The following LCK variants were observed in gnomAD, a reference collection of about 807,000 sequenced individuals.
The protein encoded by LCK is LCK proto-oncogene, Src family tyrosine kinase.
A neutral mutation model predicts 64.6 loss-of-function variants in LCK; 14 were observed. The observed-to-expected ratio is 0.22, with a 90% CI of 0.14 to 0.34. The LOEUF (loss-of-function observed/expected upper bound fraction) is 0.34. Ranked by LOEUF, LCK falls within the 10% of genes least tolerant of loss-of-function variation. The probability of loss-of-function intolerance (pLI) is 1.00; values close to 1 mark genes in which losing one functional copy is unlikely to be tolerated. For synonymous variants in LCK, 277 were observed against 263.6 expected, an observed-to-expected ratio of 1.05 and a Z score of -0.49; for missense variants, 434 against 668.1, an observed-to-expected ratio of 0.65 and a Z score of 3.86.
rs748088071 is a variant in LCK, at chr1:32,276,635, G to A, written c.813G>A (p.Ala271=). The stretch of plus-strand genomic sequence containing the variant: ...ACTACAACGGGCACACGAAGGTGGC[G>A]GTGAAGAGCCTGAAGCAGGGCAGCA... ...MGYYNGHTKV[A]VKSLKQGSMS... Residue 271 remains alanine (A), a synonymous_variant, in exon 9 of 13, where the codon GCG becomes GCA. Transcript: ENST00000336890. The surrounding 1 kb of genome is among the most constrained non-coding windows in gnomAD (Gnocchi z 4.6). 2.5e-6 allele frequency: 4 copies of A among 1,613,318 alleles called. No homozygotes were observed. Among genetic ancestry groups the A allele is most frequent in the Non-Finnish European group, 3.4e-6 (4 of 1,179,604 alleles).
At chr1:32,266,367 G>A (rs989411526) in intron 1 of LCK, among the ~76,000 whole-genome samples, 4 of 151,238 alleles carry the variant, frequency 2.6e-5, no homozygotes, top group Middle Eastern at 3.4e-3. Flanking sequence ...GCACAGTGGC[G>A]GGCGCCGGTA....
intron 1 of LCK, among the ~76,000 whole-genome samples, chr1:32,255,966 C>A (rs1639622839): frequency 6.6e-6 from 1 of 151,768 alleles, no homozygotes; most frequent in African/African-American, 2.4e-5. Context: ...CCATGCCCAG[C>A]TAATTATAAA....
chr1:32,276,423 G>T lies in LCK; in HGVS notation c.718G>T (p.Val240Phe), dbSNP rs1640272681. The T allele has an allele frequency of 6.2e-7, 1 of 1,612,688 alleles. No homozygotes were observed. Among genetic ancestry groups the T allele is most frequent in the Non-Finnish European group, 8.5e-7 (1 of 1,179,916 alleles). Residue 240 changes from valine to phenylalanine, a missense_variant, in exon 8 of 13, where the codon GTT becomes TTT. Val to Phe is a conservative substitution (Grantham distance 50). Transcript: ENST00000336890. This position sits in a 1 kb window ranked among gnomAD's most constrained non-coding sequence, Gnocchi z 4.6. ...GCCGTGGTGGGAGGACGAGTGGGAG[G>T]TTCCCAGGGAGACGCTGAAGCTGGT... ...QKPWWEDEWE[V>F]PRETLKLVER... is the part of the protein sequence containing the mutation.
At position 32,275,184 on chromosome 1, in the gene LCK, C is replaced by T; in HGVS notation, c.278+101C>T. ...GCCCTTGACCAGCTCGGGGTGGCCG[C>T]CCTTGGGACAAAATTCGAGGCTCAG... On this transcript the variant is annotated intron_variant, in intron 4 of 12. Coordinates refer to ENST00000336890, the MANE Select transcript of LCK (RefSeq NM_005356.5). This position sits in a 1 kb window ranked among gnomAD's most constrained non-coding sequence, Gnocchi z 6.9. 6.8e-7 allele frequency: 1 copy of T among 1,462,758 alleles called. No individual in the cohort carries two copies. The highest frequency in any genetic ancestry group is 9.5e-7 in the Non-Finnish European group (1 of 1,053,040). 90.6% of individuals were successfully genotyped at this position (1,462,758 alleles called of 1,614,324 possible).
intron 1 of LCK, among the ~76,000 whole-genome samples, chr1:32,259,517 G>T (rs911040072): frequency 2.0e-5 from 3 of 151,810 alleles, no homozygotes; most frequent in African/African-American, 7.3e-5. Context: ...CTCCTCGGGA[G>T]GCTGAGGTAG....
chr1:32,253,219 G>C (rs1024042909), intron 1 of LCK, among the ~76,000 whole-genome samples: 14 of 152,110 alleles, frequency 9.2e-5, no homozygotes, highest in African/African-American at 3.4e-4. Context: ...TGCAAAATTA[G>C]CCGAGCGTGG....
intron 12 of LCK, among the ~76,000 whole-genome samples, chr1:32,280,729 A>C (rs2124371816): frequency 6.6e-6 from 1 of 151,958 alleles, no homozygotes; most frequent in Admixed American, 6.5e-5. Context: ...TTGGGATTAC[A>C]GGCGTGAGCC....
In LCK at chr1:32,255,757, C is replaced by T. The variant is rs140804630; in HGVS notation, c.-6+4386C>T. On this transcript the variant is annotated intron_variant, in intron 1 of 12. Transcript: ENST00000336890. ...TGTCTGCTTACTTCTGCATCCTCAG[C>T]TCTAGGTCAGAATCTGGCACATAGG... is the stretch of plus-strand genomic sequence containing the variant. Among the ~76,000 whole-genome samples the T allele has an allele frequency of 9.0e-4, 137 of 151,912 alleles. 1 individual carries two copies. Among genetic ancestry groups the T allele is most frequent in the African/African-American group, 2.9e-3 (119 of 41,314 alleles).
intron 1 of LCK, among the ~76,000 whole-genome samples, chr1:32,255,523 G>A (rs1327198406): frequency 6.6e-6 from 1 of 152,196 alleles, no homozygotes; most frequent in African/African-American, 2.4e-5. Flanking sequence ...CTAAACGTTA[G>A]CTTGGTAAAT....
chr1:32,257,108 C>T (rs944294176), intron 1 of LCK, among the ~76,000 whole-genome samples: 3 of 152,018 alleles, frequency 2.0e-5, no homozygotes, highest in East Asian at 1.9e-4. Flanking sequence ...CTATATATCA[C>T]GTATAATGCT....
intron 1 of LCK, among the ~76,000 whole-genome samples, chr1:32,254,894 A>G (rs1424952161): frequency 6.6e-6 from 1 of 152,134 alleles, no homozygotes; most frequent in African/African-American, 2.4e-5. Flanking sequence ...CGCACCTGTA[A>G]TCCTAGCACT....
At chr1:32,261,952 G>GGAA (rs1639785584) in intron 1 of LCK, among the ~76,000 whole-genome samples, 1 of 40,116 alleles carries the variant, frequency 2.5e-5, no homozygotes, top group Admixed American at 2.8e-4. Context: ...GACTCTGTCA[G>GGAA]AAAAAAAAAA....
chr1:32,275,313 T>C lies in LCK; in HGVS notation c.279-8T>C, dbSNP rs1275429035. Reference sequence around the variant, plus strand: ...AGCGAGCCACACTGACCCACCTCCGTGGCGCAGGAGCGGCGAGTGGTGGAA... The same window carrying C: ...AGCGAGCCACACTGACCCACCTCCGCGGCGCAGGAGCGGCGAGTGGTGGAA... On this transcript the variant is annotated splice_region_variant and splice_polypyrimidine_tract_variant and intron_variant, in intron 4 of 12. Coordinates refer to ENST00000336890, the MANE Select transcript of LCK (RefSeq NM_005356.5). The surrounding 1 kb of genome is among the most constrained non-coding windows in gnomAD (Gnocchi z 6.9). The C allele has an allele frequency of 2.5e-6, 4 of 1,613,704 alleles. No homozygotes were observed. Among genetic ancestry groups the C allele is most frequent in the Non-Finnish European group, 3.4e-6 (4 of 1,179,816 alleles).
chr1:32,272,962 T>G (rs111064404), intron 1 of LCK, among the ~76,000 whole-genome samples: 10,891 of 132,674 alleles, frequency 0.082, 1,370 homozygotes, highest in African/African-American at 0.29. Flanking sequence ...TGTGTGTGTG[T>G]GGGGTGAGTG....
chr1:32,268,484 T>A, intron 1 of LCK, among the ~76,000 whole-genome samples: 1 of 151,124 alleles, frequency 6.6e-6, no homozygotes, highest in East Asian at 1.9e-4. Flanking sequence ...AGCTAGTTTT[T>A]ATAATAATAA....
At chr1:32,279,630 C>A in intron 9 of LCK, 41 bp from the exon 10 acceptor site, 1 of 1,613,870 alleles carries the variant, frequency 6.2e-7, no homozygotes, top group Non-Finnish European at 8.5e-7. Context: ...GGGCCTCCCC[C>A]TGGGGCAACT....
chr1:32,262,947 A>C (rs1334456430), intron 1 of LCK, among the ~76,000 whole-genome samples: 1 of 151,780 alleles, frequency 6.6e-6, no homozygotes, highest in Non-Finnish European at 1.5e-5. Flanking sequence ...TCTGGGGTGA[A>C]TGAAACAGGA....
chr1:32,275,774 G>C lies in LCK; in HGVS notation c.481+102G>C, dbSNP rs527558126. 10 of 1,403,966 alleles carry C rather than the reference G, an allele frequency of 7.1e-6. No individual in the cohort carries two copies. Among genetic ancestry groups the C allele is most frequent in the Non-Finnish European group, 9.7e-6 (10 of 1,033,060 alleles). 87.0% of individuals were successfully genotyped at this position (1,403,966 alleles called of 1,614,324 possible). Reference sequence around the variant, plus strand: ...GGTGGAGACACGGGGTGAGTCGGAGGGGGACGCGGGATGAGCCCGAGGTGG... The same window carrying C: ...GGTGGAGACACGGGGTGAGTCGGAGCGGGACGCGGGATGAGCCCGAGGTGG... On this transcript the variant is annotated intron_variant, in intron 6 of 12. Coordinates refer to ENST00000336890, the MANE Select transcript of LCK (RefSeq NM_005356.5). The surrounding 1 kb of genome is among the most constrained non-coding windows in gnomAD (Gnocchi z 6.9).
intron 1 of LCK, among the ~76,000 whole-genome samples, chr1:32,265,140 G>C (rs879048009): frequency 6.6e-6 from 1 of 150,662 alleles, no homozygotes; most frequent in Non-Finnish European, 1.5e-5. Flanking sequence ...CCAAGATTGC[G>C]CCACTGCACT....
Sources: gnomAD v4.1 joint callset for allele counts (sites outside exome capture counted in the v4.1 genomes callset) on GRCh38, gnomAD v4.1.1 for gene constraint, Gnocchi (gnomAD v3.1) non-coding constraint, MANE v1.5 for transcripts, NCBI Gene and HGNC (gene_info 2026-07-23, HGNC 2026-07-21) for gene names.